Variants in LDB2 observed in about 807,000 individuals in gnomAD.
LDB2 encodes LIM domain-binding protein 2.
Under a neutral mutation model 44.3 loss-of-function variants are expected in LDB2, and 12 were observed. That is an observed-to-expected ratio of 0.27 (90% CI 0.17 to 0.44). LDB2 has a LOEUF of 0.44. Ranked by LOEUF, LDB2 falls within the 20% of genes least tolerant of loss-of-function variation. LDB2 has a pLI of 1.00. For synonymous variants in LDB2, 164 were observed against 174.8 expected, an observed-to-expected ratio of 0.94 and a Z score of 0.49; for missense variants, 344 against 473.5, an observed-to-expected ratio of 0.73 and a Z score of 2.54.
At chr4:16,833,544 CTTTT>C (rs34692758) in intron 1 of LDB2, among the ~76,000 whole-genome samples, 4 of 129,850 alleles carry the variant, frequency 3.1e-5, no homozygotes, top group Admixed American at 7.8e-5. Context: ...ATCTTTTCCT[CTTTT>C]TTTTTTTTTT....
At chr4:16,783,691 G>A (rs1207756959) in intron 1 of LDB2, among the ~76,000 whole-genome samples, 1 of 152,048 alleles carries the variant, frequency 6.6e-6, no homozygotes, top group Non-Finnish European at 1.5e-5. Flanking sequence ...CTTTGCCCTT[G>A]GTTTTTTACA....
At chr4:16,551,759 C>T (rs903496171) in intron 5 of LDB2, among the ~76,000 whole-genome samples, 2 of 152,096 alleles carry the variant, frequency 1.3e-5, no homozygotes, top group African/African-American at 4.8e-5. Flanking sequence ...TCAGGTGATA[C>T]GCCTGCCTTG....
intron 1 of LDB2, among the ~76,000 whole-genome samples, chr4:16,829,832 T>C (rs207705): frequency 0.97 from 147,368 of 152,246 alleles, 71,359 homozygotes; most frequent in Middle Eastern, 0.99. Flanking sequence ...ACAGGCCGGG[T>C]GCGGTGGCTC....
chr4:16,505,587 G>A (rs1299245078), intron 7 of LDB2, among the ~76,000 whole-genome samples: 1 of 152,136 alleles, frequency 6.6e-6, no homozygotes, highest in Non-Finnish European at 1.5e-5. Context: ...GGCTGCCTCT[G>A]ATTAGGGGTT....
intron 1 of LDB2, among the ~76,000 whole-genome samples, chr4:16,827,652 A>G (rs1212223287): frequency 6.6e-6 from 1 of 152,156 alleles, no homozygotes; most frequent in Non-Finnish European, 1.5e-5. Flanking sequence ...GATCAAGAAA[A>G]TTCTCTTGTC....
intron 1 of LDB2, among the ~76,000 whole-genome samples, chr4:16,869,691 C>T (rs1312540407): frequency 1.3e-5 from 2 of 152,164 alleles, no homozygotes; most frequent in African/African-American, 4.8e-5. Flanking sequence ...AAAATTATGA[C>T]TATTATTGAG....
chr4:16,672,322 G>A (rs1191439744), intron 2 of LDB2, among the ~76,000 whole-genome samples: 1 of 152,162 alleles, frequency 6.6e-6, no homozygotes, highest in African/African-American at 2.4e-5. Flanking sequence ...CCAGAATGCA[G>A]ATGTCTCCAA....
chr4:16,690,943 C>T (rs1485823296), intron 2 of LDB2, among the ~76,000 whole-genome samples: 1 of 152,152 alleles, frequency 6.6e-6, no homozygotes, highest in Non-Finnish European at 1.5e-5. Context: ...CTCAAGGAAG[C>T]CATCTCTGAT....
chr4:16,824,347 C>T (rs1782662716), intron 1 of LDB2, among the ~76,000 whole-genome samples: 1 of 152,140 alleles, frequency 6.6e-6, no homozygotes. Context: ...ACATGCCACC[C>T]ACACGCCTTG....
At chr4:16,674,763 T>C (rs1848038) in intron 2 of LDB2, among the ~76,000 whole-genome samples, 78,364 of 151,680 alleles carry the variant, frequency 0.52, 20,199 homozygotes, top group Middle Eastern at 0.54. Flanking sequence ...GAGAAAAAAT[T>C]AAAGAAAGAA....
chr4:16,609,354 G>GGGGC (rs1560620219), intron 2 of LDB2, among the ~76,000 whole-genome samples: 1 of 149,030 alleles, frequency 6.7e-6, no homozygotes, highest in Non-Finnish European at 1.5e-5. Context: ...GAGGGGGCGG[G>GGGGC]GGGGGGAGGG....
chr4:16,659,857 C>T (rs1440369503), intron 2 of LDB2, among the ~76,000 whole-genome samples: 2 of 152,018 alleles, frequency 1.3e-5, no homozygotes, highest in Admixed American at 6.6e-5. Flanking sequence ...ATAAATCTCT[C>T]GCTTTGTGAT....
chr4:16,506,096 C>A (rs1719303653), intron 7 of LDB2: 3 of 1,161,136 alleles, frequency 2.6e-6, no homozygotes, highest in Non-Finnish European at 3.6e-6. Flanking sequence ...GTGGCACATG[C>A]CTTTGGACCA....
intron 5 of LDB2, among the ~76,000 whole-genome samples, chr4:16,544,815 G>C (rs1001899075): frequency 6.6e-6 from 1 of 152,150 alleles, no homozygotes; most frequent in Non-Finnish European, 1.5e-5. Flanking sequence ...GTTGTATCAG[G>C]CTTGACTTTA....
At chr4:16,641,914 G>T (rs1291629715) in intron 2 of LDB2, among the ~76,000 whole-genome samples, 2 of 152,160 alleles carry the variant, frequency 1.3e-5, no homozygotes, top group African/African-American at 2.4e-5. Flanking sequence ...ACAAAGGAAA[G>T]AAAATAGTAG....
chr4:16,503,359 C>T (rs369813056), intron 7 of LDB2, among the ~76,000 whole-genome samples: 3 of 152,134 alleles, frequency 2.0e-5, no homozygotes, highest in South Asian at 2.1e-4. Context: ...TCATTCCAAA[C>T]GGTATTTTCT....
At chr4:16,780,899 T>G (rs1275341846) in intron 1 of LDB2, among the ~76,000 whole-genome samples, 1 of 152,192 alleles carries the variant, frequency 6.6e-6, no homozygotes, top group Non-Finnish European at 1.5e-5. Context: ...CAGTGAGATG[T>G]CTAATAAAGT....
intron 2 of LDB2, among the ~76,000 whole-genome samples, chr4:16,629,348 C>T (rs1481292478): frequency 6.6e-6 from 1 of 152,134 alleles, no homozygotes; most frequent in East Asian, 1.9e-4. Flanking sequence ...CCCCGTGTAG[C>T]CTAATTGGGA....
chr4:16,721,760 G>A (rs886700031), intron 2 of LDB2, among the ~76,000 whole-genome samples: 10 of 152,120 alleles, frequency 6.6e-5, no homozygotes, highest in Non-Finnish European at 1.3e-4. Flanking sequence ...AAACTACCCA[G>A]TTACTCTGTC....
Sources: gnomAD v4.1 joint callset for allele counts (sites outside exome capture counted in the v4.1 genomes callset) on GRCh38, gnomAD v4.1.1 for gene constraint, MANE v1.5 for transcripts, NCBI Gene and HGNC (gene_info 2026-07-23, HGNC 2026-07-21) for gene names.